The following DLG2 variants were observed in gnomAD, a reference collection of about 807,000 sequenced individuals.
DLG2 encodes the protein discs large MAGUK scaffold protein 2.
In DLG2, 45 loss-of-function variants were observed where a neutral mutation model predicts 132.5. The ratio of observed to expected loss-of-function variants is 0.34; its 90% confidence interval spans 0.27 to 0.44. The LOEUF (loss-of-function observed/expected upper bound fraction) is 0.44, where lower values mean the gene tolerates loss of function less well. Among genes scored for constraint, DLG2 ranks in the 20% least tolerant of loss-of-function variants. The pLI, the probability that DLG2 is intolerant of heterozygous loss-of-function variation, is 1.00. For missense variants in DLG2, 1,045 were observed against 1,196.9 expected (o/e 0.87, Z 1.87); for synonymous variants, 424 against 419.6 (o/e 1.01, Z -0.13).
At chr11:84,227,276 T>A (rs574675185) in intron 8 of DLG2, among the ~76,000 whole-genome samples, 39 of 151,812 alleles carry the variant, frequency 2.6e-4, no homozygotes, top group Non-Finnish European at 4.3e-4. Context: ...TAGACAAAAA[T>A]TAGTGCAAAA....
intron 6 of DLG2, among the ~76,000 whole-genome samples, chr11:85,038,773 T>C (rs2061613877): frequency 6.6e-6 from 1 of 152,082 alleles, no homozygotes; most frequent in Admixed American, 6.6e-5. Context: ...CCAGGTTGAA[T>C]GAAGGCTGTA....
chr11:83,865,763 A>G (rs1254974869), intron 16 of DLG2, among the ~76,000 whole-genome samples: 1 of 152,172 alleles, frequency 6.6e-6, no homozygotes, highest in African/African-American at 2.4e-5. Flanking sequence ...TCAAGACCAC[A>G]GAGCTCTGAT....
At chr11:85,171,446 G>C (rs1038202619) in intron 4 of DLG2, among the ~76,000 whole-genome samples, 3 of 152,208 alleles carry the variant, frequency 2.0e-5, no homozygotes, top group Non-Finnish European at 4.4e-5. Flanking sequence ...CCAGGGCCTT[G>C]GATCCGAAGC....
intron 6 of DLG2, among the ~76,000 whole-genome samples, chr11:84,878,106 T>G (rs967155963): frequency 6.6e-6 from 1 of 152,198 alleles, no homozygotes; most frequent in Non-Finnish European, 1.5e-5. Context: ...GTTTTTACAC[T>G]GTTTGCGGGA....
intron 6 of DLG2, among the ~76,000 whole-genome samples, chr11:84,839,648 C>T (rs998653140): frequency 2.6e-5 from 4 of 151,988 alleles, no homozygotes; most frequent in Non-Finnish European, 5.9e-5. Context: ...AAACAGTTAT[C>T]TAGACCAATA....
chr11:84,709,242 T>C (rs58826664), intron 6 of DLG2, among the ~76,000 whole-genome samples: 2,363 of 152,004 alleles, frequency 0.016, 72 homozygotes, highest in African/African-American at 0.053. Context: ...CGAAGGAAGA[T>C]TGAATACAGT....
chr11:85,204,981 G>A (rs577444305), intron 4 of DLG2, among the ~76,000 whole-genome samples: 7 of 152,028 alleles, frequency 4.6e-5, no homozygotes, highest in South Asian at 2.1e-4. Flanking sequence ...ATATCCACAC[G>A]CAGAAAAATA....
intron 6 of DLG2, among the ~76,000 whole-genome samples, chr11:84,747,971 G>A (rs1390456563): frequency 6.6e-6 from 1 of 152,148 alleles, no homozygotes; most frequent in Non-Finnish European, 1.5e-5. Flanking sequence ...CTGTGGCCGA[G>A]TGCCATATTT....
At chr11:85,194,182 G>A (rs2080858802) in intron 4 of DLG2, among the ~76,000 whole-genome samples, 1 of 152,226 alleles carries the variant, frequency 6.6e-6, no homozygotes, top group African/African-American at 2.4e-5. Context: ...TTTGGAGTCT[G>A]TGAAGACTGC....
chr11:85,154,581 T>C lies in DLG2; in HGVS notation c.257A>G (p.Glu86Gly), dbSNP rs1202351581. The C allele has an allele frequency of 1.3e-6, 2 of 1,528,530 alleles. No homozygotes were observed. Among genetic ancestry groups the C allele is most frequent in the Admixed American group, 3.9e-5 (2 of 50,722 alleles). 94.7% of individuals were successfully genotyped at this position (1,528,530 alleles called of 1,614,324 possible). The change falls in exon 5 of 28, where the codon GAA becomes GGA. Residue 86 changes from glutamate (E) to glycine (G), a missense_variant. Glu to Gly is a moderately conservative substitution (Grantham distance 98). Coordinates refer to ENST00000376104, the MANE Select transcript of DLG2 (RefSeq NM_001142699.3). The part of the protein sequence containing the change: ...IEQNKENQSF[E>G]NETDETTTQN... ...AGTTGTCGTCTCATCAGTTTCATTT[T>C]CAAAACTCTGATTTTCTTTATTTTG...
At chr11:84,498,629 A>G (rs2099192649) in intron 7 of DLG2, among the ~76,000 whole-genome samples, 1 of 152,196 alleles carries the variant, frequency 6.6e-6, no homozygotes, top group Non-Finnish European at 1.5e-5. Context: ...CAAAGCAGTA[A>G]TCTTGTGCCA....
chr11:85,579,235 G>C (rs2078355572), intron 3 of DLG2, among the ~76,000 whole-genome samples: 1 of 152,088 alleles, frequency 6.6e-6, no homozygotes, highest in Non-Finnish European at 1.5e-5. Context: ...CCTTTCGAAG[G>C]GTGAAGGGTA....
At chr11:83,910,850 G>C (rs1005777315) in intron 15 of DLG2, among the ~76,000 whole-genome samples, 3 of 152,040 alleles carry the variant, frequency 2.0e-5, no homozygotes, top group African/African-American at 7.2e-5. Flanking sequence ...GAACATTTGA[G>C]AACCCACTAT....
intron 3 of DLG2, among the ~76,000 whole-genome samples, chr11:85,384,797 CCT>C (rs759351647): frequency 6.6e-6 from 1 of 152,030 alleles, no homozygotes; most frequent in Non-Finnish European, 1.5e-5. Flanking sequence ...CAACCCAACC[CCT>C]GTCCTTGAGT....
intron 6 of DLG2, among the ~76,000 whole-genome samples, chr11:84,640,948 CAAACAAAAAAAAA>C (rs1270045888): frequency 3.4e-5 from 3 of 87,106 alleles, no homozygotes; most frequent in Admixed American, 3.1e-4. Flanking sequence ...TCAAAACAAA[CAAACAAAAAAAAA>C]AAACAAAAAA....
At chr11:84,124,837 C>A (rs2094095276) in intron 9 of DLG2, among the ~76,000 whole-genome samples, 1 of 136,936 alleles carries the variant, frequency 7.3e-6, no homozygotes, top group African/African-American at 2.6e-5. Flanking sequence ...TGAGAAATAA[C>A]TTGTTTTCAC....
intron 19 of DLG2, among the ~76,000 whole-genome samples, chr11:83,620,869 CA>C (rs56868518): frequency 0.033 from 1,890 of 57,010 alleles, 7 homozygotes; most frequent in Non-Finnish European, 0.042. Flanking sequence ...GACTCCGTCT[CA>C]AAAAAAAAAA....
intron 9 of DLG2, among the ~76,000 whole-genome samples, chr11:84,129,721 T>C (rs940263525): frequency 2.0e-5 from 3 of 152,048 alleles, no homozygotes; most frequent in Non-Finnish European, 4.4e-5. Context: ...AATAGTAACC[T>C]TAACCTAAGG....
chr11:84,293,606 G>A (rs1264158356), intron 7 of DLG2, among the ~76,000 whole-genome samples: 7 of 152,112 alleles, frequency 4.6e-5, no homozygotes, highest in Admixed American at 3.9e-4. Flanking sequence ...CCTGGGATGC[G>A]GAGGTTGCAG....
Sources: allele counts gnomAD v4.1 joint callset (sites outside exome capture counted in the v4.1 genomes callset), GRCh38; gene constraint gnomAD v4.1.1; transcripts MANE v1.5; gene names NCBI Gene and HGNC (gene_info 2026-07-23, HGNC 2026-07-21).